The following POU6F2 variants were observed in gnomAD, a reference collection of about 807,000 sequenced individuals.
POU6F2 encodes the protein POU class 6 homeobox 2.
POU6F2 carries 31 observed loss-of-function variants against 71.3 expected under a neutral mutation model. The observed-to-expected ratio is 0.43, with a 90% CI of 0.33 to 0.59. The LOEUF is 0.59. POU6F2 is among the 20% of genes least tolerant of loss of function. The probability of loss-of-function intolerance (pLI) is 0.04; values close to 1 mark genes in which losing one functional copy is unlikely to be tolerated. For synonymous variants in POU6F2, 347 were observed against 355.7 expected (o/e 0.98, Z 0.27); for missense variants, 783 against 856.8 (o/e 0.91, Z 1.07).
At chr7:38,998,816 A>ATTTTTT (rs757703122) in intron 1 of POU6F2, among the ~76,000 whole-genome samples, 37 of 116,528 alleles carry the variant, frequency 3.2e-4, no homozygotes, top group Middle Eastern at 5.0e-3. Context: ...CACCCGGCTA[A>ATTTTTT]TTTTTTTTTT....
chr7:39,204,631 A>G (rs536792269), intron 3 of POU6F2, among the ~76,000 whole-genome samples: 1 of 152,222 alleles, frequency 6.6e-6, no homozygotes, highest in Non-Finnish European at 1.5e-5. Flanking sequence ...TTTCCTGGAA[A>G]GTAAAACTTT....
chr7:39,368,696 G>A (rs1786553159), intron 5 of POU6F2, among the ~76,000 whole-genome samples: 1 of 152,192 alleles, frequency 6.6e-6, no homozygotes. Context: ...AGGGGCTAAT[G>A]AAGCTGATGA....
intron 2 of POU6F2, among the ~76,000 whole-genome samples, chr7:39,191,910 TA>T (rs1405197427): frequency 6.6e-6 from 1 of 152,218 alleles, no homozygotes; most frequent in Non-Finnish European, 1.5e-5. Context: ...TGGTTTTTTA[TA>T]ACCAACTCTT....
At chr7:39,074,403 A>C (rs895992220) in intron 1 of POU6F2, among the ~76,000 whole-genome samples, 1 of 151,814 alleles carries the variant, frequency 6.6e-6, no homozygotes, top group African/African-American at 2.4e-5. Flanking sequence ...TTGCTTGAAC[A>C]CGGAAGGCAG....
intron 4 of POU6F2, among the ~76,000 whole-genome samples, chr7:39,233,625 ATC>A (rs1293010990): frequency 6.6e-6 from 1 of 152,088 alleles, no homozygotes; most frequent in Non-Finnish European, 1.5e-5. Flanking sequence ...GGGTTTCTTC[ATC>A]TCTTCCCAGG....
intron 2 of POU6F2, among the ~76,000 whole-genome samples, chr7:39,181,184 A>G (rs1383765217): frequency 1.3e-5 from 2 of 151,088 alleles, no homozygotes; most frequent in African/African-American, 4.9e-5. Flanking sequence ...TGATGGCATC[A>G]GAAGGAGGTT....
At chr7:39,311,444 A>G (rs1179496401) in intron 4 of POU6F2, among the ~76,000 whole-genome samples, 1 of 152,128 alleles carries the variant, frequency 6.6e-6, no homozygotes. Flanking sequence ...GAAGCTCATT[A>G]TTTACTTTCT....
At chr7:39,127,836 A>ATTT (rs70977460) in intron 2 of POU6F2, among the ~76,000 whole-genome samples, 1,947 of 104,116 alleles carry the variant, frequency 0.019, 53 homozygotes, top group Middle Eastern at 0.028. Context: ...AGCCAGTGGA[A>ATTT]TTTTTTTTTT....
At chr7:39,084,612 AAAG>A (rs375307372) in intron 1 of POU6F2, among the ~76,000 whole-genome samples, 16 of 152,364 alleles carry the variant, frequency 1.1e-4, no homozygotes, top group African/African-American at 3.6e-4. Flanking sequence ...AGTATTGACT[AAAG>A]AAGTGCATTT....
chr7:39,195,025 A>G (rs1027518633), intron 2 of POU6F2, among the ~76,000 whole-genome samples: 1 of 152,210 alleles, frequency 6.6e-6, no homozygotes, highest in Non-Finnish European at 1.5e-5. Context: ...CCGCGGTTTC[A>G]TTCTTGAAGT....
At chr7:39,245,843 T>C (rs1208551946) in intron 4 of POU6F2, among the ~76,000 whole-genome samples, 1 of 152,204 alleles carries the variant, frequency 6.6e-6, no homozygotes, top group Non-Finnish European at 1.5e-5. Flanking sequence ...ATGGTTCTGA[T>C]GCCTTTTGTT....
At chr7:39,186,461 A>C (rs1161291176) in intron 2 of POU6F2, among the ~76,000 whole-genome samples, 1 of 151,764 alleles carries the variant, frequency 6.6e-6, no homozygotes, top group African/African-American at 2.4e-5. Flanking sequence ...ATTACAGTCC[A>C]CCTATATCTA....
intron 4 of POU6F2, among the ~76,000 whole-genome samples, chr7:39,309,862 G>A (rs952127902): frequency 6.6e-6 from 1 of 152,038 alleles, no homozygotes; most frequent in Non-Finnish European, 1.5e-5. Flanking sequence ...ACCTTTTCTC[G>A]CAGATAAGAA....
chr7:39,153,022 C>T (rs1357668311), intron 2 of POU6F2, among the ~76,000 whole-genome samples: 1 of 152,158 alleles, frequency 6.6e-6, no homozygotes, highest in African/African-American at 2.4e-5. Flanking sequence ...CTTACGCTTA[C>T]TCAAGTGAGG....
Position 39,217,559 on chromosome 7 carries a change from G to A in POU6F2, c.598+9939G>A, listed in dbSNP as rs188312929. On this transcript the variant is annotated intron_variant, in intron 4 of 9. Coordinates refer to ENST00000518318, the MANE Select transcript of POU6F2 (RefSeq NM_001370959.1). ...GCAGTACCTGCCACAGAAATGAGAA[G>A]AAAGGACTTTGGTTCTTAGTATGCA... is the stretch of plus-strand genomic sequence containing the variant. Among the ~76,000 whole-genome samples, 19 of 152,322 alleles carry A rather than the reference G, an allele frequency of 1.2e-4. No homozygotes were observed. The East Asian group carries it at 3.7e-3, about 29-fold the overall frequency.
At chr7:39,279,434 T>C (rs190556837) in intron 4 of POU6F2, among the ~76,000 whole-genome samples, 162 of 152,300 alleles carry the variant, frequency 1.1e-3, no homozygotes, top group Admixed American at 2.4e-3. Flanking sequence ...CATGGGGTGA[T>C]TGTGGAAATG....
intron 7 of POU6F2, among the ~76,000 whole-genome samples, chr7:39,443,321 C>A (rs754076354): frequency 6.6e-6 from 1 of 152,210 alleles, no homozygotes; most frequent in Non-Finnish European, 1.5e-5. Flanking sequence ...CTCCCTTCAC[C>A]AGTACACATA....
chr7:39,093,003 T>G (rs903698829), intron 2 of POU6F2, among the ~76,000 whole-genome samples: 7 of 152,158 alleles, frequency 4.6e-5, no homozygotes, highest in Admixed American at 2.6e-4. Flanking sequence ...TTTAAAAAAT[T>G]TCCTAGTATG....
At chr7:39,049,062 C>T (rs1431917697) in intron 1 of POU6F2, among the ~76,000 whole-genome samples, 1 of 151,858 alleles carries the variant, frequency 6.6e-6, no homozygotes, top group Non-Finnish European at 1.5e-5. Flanking sequence ...CTCTTTTGCT[C>T]TTTATTTTGG....
Sources: allele counts gnomAD v4.1 joint callset (sites outside exome capture counted in the v4.1 genomes callset), GRCh38; gene constraint gnomAD v4.1.1; transcripts MANE v1.5; gene names NCBI Gene and HGNC (gene_info 2026-07-23, HGNC 2026-07-21).